The following FIGN variants were observed in gnomAD, a reference collection of about 807,000 sequenced individuals.
The protein encoded by FIGN is fidgetin, microtubule severing factor.
Under a neutral mutation model 51.3 loss-of-function variants are expected in FIGN, and 11 were observed. The ratio of observed to expected loss-of-function variants is 0.21; its 90% CI spans 0.13 to 0.35. The LOEUF is 0.35. Ranked by LOEUF, FIGN falls within the 10% of genes least tolerant of loss-of-function variation. The probability of loss-of-function intolerance (pLI) is 1.00; values close to 1 mark genes in which losing one functional copy is unlikely to be tolerated. For missense variants in FIGN, 857 were observed against 943.6 expected (o/e 0.91, Z 1.20); for synonymous variants, 407 against 363.2 (o/e 1.12, Z -1.37).
chr2:163,674,587 T>C (rs1433862015), intron 2 of FIGN, among the ~76,000 whole-genome samples: 1 of 152,206 alleles, frequency 6.6e-6, no homozygotes, highest in Non-Finnish European at 1.5e-5. Flanking sequence ...ATCATTTAAT[T>C]TCACAAAACT....
At position 163,735,870 on chromosome 2, in the gene FIGN, G is replaced by A. The variant is rs2105372190; in HGVS notation, c.-178C>T. On this transcript the variant is annotated 5_prime_UTR_variant, in exon 1 of 3. Transcript: ENST00000333129. The stretch of plus-strand genomic sequence containing the variant: ...CGCGGAGAGAGAACCCGATAGGTTA[G>A]CGTAGCATCGATCCGATGTGTTTGC... 1 of 152,822 alleles carries A rather than the reference G, an allele frequency of 6.5e-6. No individual in the cohort carries two copies. Among genetic ancestry groups the A allele is most frequent in the Admixed American group, 6.5e-5 (1 of 15,310 alleles). 9.5% of individuals were successfully genotyped at this position (152,822 alleles called of 1,614,324 possible).
chr2:163,729,981 A>T (rs1319167003), intron 2 of FIGN, among the ~76,000 whole-genome samples: 1 of 152,206 alleles, frequency 6.6e-6, no homozygotes, highest in Non-Finnish European at 1.5e-5. Flanking sequence ...TCATGTTTTG[A>T]TGGTTTCTGA....
rs565232739 is a variant in FIGN, at chr2:163,715,175, GGGAGA to G, written c.25+19723_25+19727del. Among the ~76,000 whole-genome samples, 150 of 152,320 alleles carry G rather than the reference GGGAGA, an allele frequency of 9.8e-4. 1 individual carries two copies. Among genetic ancestry groups the G allele is most frequent in the African/African-American group, 3.3e-3 (139 of 41,560 alleles). Reference sequence around the variant, plus strand: ...GATCTACCATAAAGGATTTGGGGAGGGGAGAGGAGAAGGAGAGGAGTCTGCAGTTA... The same window carrying G: ...GATCTACCATAAAGGATTTGGGGAGGGGAGAAGGAGAGGAGTCTGCAGTTA... On this transcript the variant is annotated intron_variant, in intron 2 of 2. Coordinates refer to ENST00000333129, the MANE Select transcript of FIGN (RefSeq NM_018086.4).
Position 163,605,240 on chromosome 2 carries a change from C to G in FIGN, c.*4312G>C, listed in dbSNP as rs984222168. ...AGGAGAGACTTGTTCATTAAAGATG[C>G]AGTATCCCTGGTTCACACAAATGCA... On this transcript the variant is annotated 3_prime_UTR_variant, in exon 3 of 3. Coordinates refer to ENST00000333129, the MANE Select transcript of FIGN (RefSeq NM_018086.4). The G allele has an allele frequency of 1.3e-5, 2 of 151,910 alleles. No homozygotes were observed. Among genetic ancestry groups the G allele is most frequent in the Admixed American group, 6.6e-5 (1 of 15,200 alleles). The allele number at this position is 151,910 out of a possible 1,614,324, so 9.4% of individuals were successfully genotyped here.
intron 2 of FIGN, among the ~76,000 whole-genome samples, chr2:163,726,402 T>C (rs1684838796): frequency 6.6e-6 from 1 of 152,084 alleles, no homozygotes; most frequent in South Asian, 2.1e-4. Flanking sequence ...TTGCGAGTCA[T>C]GAACAGAAAG....
intron 2 of FIGN, among the ~76,000 whole-genome samples, chr2:163,638,374 T>A (rs1683257621): frequency 6.6e-6 from 1 of 152,074 alleles, no homozygotes; most frequent in South Asian, 2.1e-4. Context: ...GAGTATTAAC[T>A]CTTAGGTTTT....
At chr2:163,618,721 G>T (rs1441348282) in intron 2 of FIGN, among the ~76,000 whole-genome samples, 2 of 151,986 alleles carry the variant, frequency 1.3e-5, no homozygotes. Flanking sequence ...TCCCTCCTTG[G>T]GGCATATCCT....
chr2:163,666,752 A>G (rs1683779660), intron 2 of FIGN, among the ~76,000 whole-genome samples: 1 of 152,036 alleles, frequency 6.6e-6, no homozygotes, highest in South Asian at 2.1e-4. Context: ...GATGACAGAA[A>G]TGAGGACACA....
rs116193635 is a variant in FIGN at position 163,716,152 on chromosome 2, C to T, written c.25+18751G>A. Among the ~76,000 whole-genome samples, 1,088 of 152,226 alleles carry T rather than the reference C, an allele frequency of 7.1e-3. 13 individuals carry two copies. Among genetic ancestry groups the T allele is most frequent in the African/African-American group, 0.024 (1,003 of 41,518 alleles). On this transcript the variant is annotated intron_variant, in intron 2 of 2. Transcript: ENST00000333129. ...ATGTTTCTAATTAAAATGTAAACAG[C>T]GTAATGAAGACATCAAGTTTTTAGG...
chr2:163,617,124 C>G, intron 2 of FIGN: 1 of 985,158 alleles, frequency 1.0e-6, no homozygotes, highest in Non-Finnish European at 1.2e-6. Context: ...CTCATTTGAT[C>G]TGGAAATTTC....
At chr2:163,690,093 T>C (rs1684216428) in intron 2 of FIGN, among the ~76,000 whole-genome samples, 1 of 152,116 alleles carries the variant, frequency 6.6e-6, no homozygotes, top group Non-Finnish European at 1.5e-5. Flanking sequence ...AATCAGATGG[T>C]CAAATTGGGC....
chr2:163,733,942 C>CAAAAAAAAAA (rs36027114), intron 2 of FIGN, among the ~76,000 whole-genome samples: 1 of 100,184 alleles, frequency 1.0e-5, no homozygotes, highest in African/African-American at 3.8e-5. Context: ...TAGCAACAAC[C>CAAAAAAAAAA]AAAAAAAAAA....
intron 2 of FIGN, among the ~76,000 whole-genome samples, chr2:163,680,819 G>C (rs1041197371): frequency 7.3e-5 from 11 of 150,538 alleles, no homozygotes; most frequent in Admixed American, 2.0e-4. Flanking sequence ...CTACATATAT[G>C]TTCCCTTTTC....
intron 2 of FIGN, among the ~76,000 whole-genome samples, chr2:163,648,213 C>T (rs78242064): frequency 1.3e-5 from 2 of 151,882 alleles, no homozygotes; most frequent in Admixed American, 1.3e-4. Flanking sequence ...CCATCACAAG[C>T]AGAGGAGAAT....
intron 2 of FIGN, among the ~76,000 whole-genome samples, chr2:163,629,102 T>C (rs1411928375): frequency 6.6e-6 from 1 of 152,084 alleles, no homozygotes; most frequent in African/African-American, 2.4e-5. Context: ...ACTATGGTAA[T>C]GGAAGACAGA....
At chr2:163,628,753 A>T (rs1390653071) in intron 2 of FIGN, among the ~76,000 whole-genome samples, 3 of 152,100 alleles carry the variant, frequency 2.0e-5, no homozygotes, top group Admixed American at 6.6e-5. Context: ...CACTGGAAAA[A>T]TTTAAAAAAA....
chr2:163,685,202 C>T (rs537941864), intron 2 of FIGN, among the ~76,000 whole-genome samples: 1 of 152,230 alleles, frequency 6.6e-6, no homozygotes, highest in East Asian at 1.9e-4. Context: ...TCTCTCATTG[C>T]TATCTTCTTT....
At chr2:163,697,242 A>G (rs919470020) in intron 2 of FIGN, among the ~76,000 whole-genome samples, 62 of 151,326 alleles carry the variant, frequency 4.1e-4, no homozygotes, top group African/African-American at 1.5e-3. Flanking sequence ...CTGGGATTAC[A>G]AGCATGAACC....
At chr2:163,690,827 AG>A (rs1282442934) in intron 2 of FIGN, among the ~76,000 whole-genome samples, 2 of 152,078 alleles carry the variant, frequency 1.3e-5, no homozygotes, top group African/African-American at 4.8e-5. Context: ...GTAATTTTAA[AG>A]TCATTGGAAT....
Sources: allele counts gnomAD v4.1 joint callset (sites outside exome capture counted in the v4.1 genomes callset), GRCh38; gene constraint gnomAD v4.1.1; transcripts MANE v1.5; gene names NCBI Gene and HGNC (gene_info 2026-07-23, HGNC 2026-07-21).